RRM1: variants seen among roughly 807,000 people sequenced by gnomAD.
The protein encoded by RRM1 is ribonucleoside-diphosphate reductase large subunit.
Under a neutral mutation model 101.5 loss-of-function variants are expected in RRM1, and 19 were observed. The observed-to-expected ratio is 0.19, with a 90% confidence interval of 0.13 to 0.27. The LOEUF (loss-of-function observed/expected upper bound fraction) is 0.27, where lower values mean the gene tolerates loss of function less well. RRM1 is among the 10% of genes least tolerant of loss of function. The pLI is 1.00. For missense variants in RRM1, 500 were observed against 962.9 expected, an observed-to-expected ratio of 0.52 and a Z score of 6.36; for synonymous variants, 298 against 323.4, an observed-to-expected ratio of 0.92 and a Z score of 0.84.
chr11:4,127,295 C>A, intron 14 of RRM1, 39 bp downstream of exon 14: 1 of 1,315,348 alleles, frequency 7.6e-7, no homozygotes, highest in Non-Finnish European at 1.0e-6. Context: ...CTGTGAGTAC[C>A]TGTAGTGGGC....
At chr11:4,133,510 C>G in intron 16 of RRM1, 53 bp from the exon 17 acceptor site, 1 of 1,114,452 alleles carries the variant, frequency 9.0e-7, no homozygotes, top group Non-Finnish European at 1.3e-6. Context: ...GTAGTCTTTT[C>G]TAAGCAGTCA....
chr11:4,126,632 A>G, intron 12 of RRM1, 52 bp from the exon 13 acceptor site: 1 of 1,552,446 alleles, frequency 6.4e-7, no homozygotes, highest in Non-Finnish European at 8.7e-7. Context: ...TAATTGACAC[A>G]GGAAGTAGAA....
At position 4,138,599 on chromosome 11, in the gene RRM1, A is replaced by G. The variant is rs1343962365; in HGVS notation, c.*216A>G. 6.1e-6 allele frequency: 2 copies of G among 325,520 alleles called. No individual in the cohort carries two copies. The highest frequency in any genetic ancestry group is 5.3e-6 in the Non-Finnish European group (1 of 188,658). The allele number at this position is 325,520 out of a possible 1,614,324, so 20.2% of individuals were successfully genotyped here. A position where few individuals can be genotyped will look rare whatever the true frequency, so the allele number is the denominator to read the frequency against. ...CCAAAATAATGCTTTTGAAAAAAAG[A>G]AAAAAAAAACGGATATATTGAGAAT... On this transcript the variant is annotated 3_prime_UTR_variant, in exon 19 of 19. Transcript: ENST00000300738.
At chr11:4,119,618 A>G (rs1237917035) in intron 8 of RRM1, 1 of 463,904 alleles carries the variant, frequency 2.2e-6, no homozygotes, top group Admixed American at 4.1e-5. Flanking sequence ...ATCTCATTAT[A>G]AATTAGAAAT....
intron 1 of RRM1, among the ~76,000 whole-genome samples, chr11:4,096,851 A>G (rs1488271143): frequency 6.6e-6 from 1 of 152,054 alleles, no homozygotes; most frequent in Non-Finnish European, 1.5e-5. Context: ...GATGTTTAGG[A>G]TGGTCTATGA....
chr11:4,107,693 T>A, intron 4 of RRM1, 158 bp downstream of exon 4: 1 of 591,320 alleles, frequency 1.7e-6, no homozygotes. Context: ...CTTTATCATT[T>A]TAAAATGTAT....
In RRM1 at chr11:4,111,587, T is replaced by G; in HGVS notation, c.448-14T>G. On this transcript the variant is annotated splice_polypyrimidine_tract_variant and intron_variant, in intron 5 of 18. Transcript: ENST00000300738. ...CGGTGCTCTGAAAATTTTTTGTTGT[T>G]TCTCTCTTTCTAGACGCTAGAGCGG... 1.3e-6 allele frequency: 2 copies of G among 1,587,996 alleles called. No homozygotes were observed. Among genetic ancestry groups the G allele is most frequent in the South Asian group, 2.3e-5 (2 of 85,542 alleles).
At chr11:4,120,917 G>A (rs976788752) in intron 9 of RRM1, among the ~76,000 whole-genome samples, 4 of 152,220 alleles carry the variant, frequency 2.6e-5, no homozygotes, top group Non-Finnish European at 4.4e-5. Flanking sequence ...TTCTCTGGAG[G>A]CTGAGGTGGG....
Position 4,121,687 on chromosome 11 carries a change from G to A in RRM1, c.960G>A (p.Lys320=). The A allele has an allele frequency of 1.6e-5, 26 of 1,613,856 alleles. No homozygotes were observed. Among genetic ancestry groups the A allele is most frequent in the Non-Finnish European group, 2.2e-5 (26 of 1,179,888 alleles). The change falls in exon 10 of 19, where the codon AAG becomes AAA. Residue 320 remains lysine (K), a synonymous_variant. Transcript: ENST00000300738. ...TTGATTTAAAGAAGAACACAGGAAA[G>A]GAAGAGCAGCGTGCCAGAGATCTTT... ...EFLDLKKNTG[K]EEQRARDLFF...
Position 4,138,181 on chromosome 11 carries a change from T to C in RRM1, c.2191-14T>C, listed in dbSNP as rs758731064. On this transcript the variant is annotated splice_polypyrimidine_tract_variant and intron_variant, in intron 18 of 18. Coordinates refer to ENST00000300738, the MANE Select transcript of RRM1 (RefSeq NM_001033.5). ...CAGAGTTTCTCCTAATAATTGTCTT[T>C]ACTTTCCTTGTAGGGTTTGAAGACT... is the stretch of plus-strand genomic sequence containing the variant. 11 of 1,455,432 alleles carry C rather than the reference T, an allele frequency of 7.6e-6. No homozygotes were observed. The Admixed American group carries it at 2.0e-4, about 26-fold the overall frequency. The allele number at this position is 1,455,432 out of a possible 1,614,324, so 90.2% of individuals were successfully genotyped here.
At chr11:4,116,736 C>G (rs894408699) in intron 7 of RRM1, among the ~76,000 whole-genome samples, 1 of 151,806 alleles carries the variant, frequency 6.6e-6, no homozygotes, top group Non-Finnish European at 1.5e-5. Flanking sequence ...TCTGGGAGGC[C>G]AAAGCAAAGG....
intron 1 of RRM1, chr11:4,099,209 C>A (rs2094547475): frequency 6.6e-6 from 1 of 151,220 alleles, no homozygotes; most frequent in African/African-American, 2.4e-5. Context: ...GTGGTGTGAT[C>A]TTGGCTTACT....
intron 7 of RRM1, among the ~76,000 whole-genome samples, chr11:4,113,047 A>G (rs1283733305): frequency 1.3e-5 from 2 of 152,190 alleles, no homozygotes; most frequent in African/African-American, 4.8e-5. Context: ...ATTTATGGAT[A>G]CAGTAAGTAA....
chr11:4,122,097 C>A, intron 10 of RRM1, 44 bp from the exon 11 acceptor site: 1 of 1,425,690 alleles, frequency 7.0e-7, no homozygotes, highest in South Asian at 1.2e-5. Context: ...TTATGGTTGG[C>A]TATTTGAAGT....
chr11:4,129,008 GTTTT>G, intron 14 of RRM1, 62 bp from the exon 15 acceptor site: 8 of 669,062 alleles, frequency 1.2e-5, no homozygotes, highest in East Asian at 3.1e-5. Context: ...TCATTTGTGG[GTTTT>G]TTTTTTTTTT....
At chr11:4,098,240 T>C (rs1405974766) in intron 1 of RRM1, among the ~76,000 whole-genome samples, 1 of 152,196 alleles carries the variant, frequency 6.6e-6, no homozygotes, top group South Asian at 2.1e-4. Flanking sequence ...CACTCTAATC[T>C]TTCTTTTATT....
intron 9 of RRM1, among the ~76,000 whole-genome samples, chr11:4,120,485 C>T (rs1252478408): frequency 6.6e-6 from 1 of 151,994 alleles, no homozygotes; most frequent in African/African-American, 2.4e-5. Context: ...TGCCTCAGCC[C>T]TCCCATGTAG....
chr11:4,107,325 G>A, intron 3 of RRM1, 110 bp from the exon 4 acceptor site: 2 of 711,116 alleles, frequency 2.8e-6, no homozygotes, highest in Non-Finnish European at 2.5e-6. Flanking sequence ...CATTGAGGTG[G>A]GTTGAGATGA....
At chr11:4,105,498 T>G in intron 2 of RRM1, 1 of 364,472 alleles carries the variant, frequency 2.7e-6, no homozygotes, top group Admixed American at 3.7e-5. Context: ...CCCAAAGTGT[T>G]GGGATTACAG....
Sources: allele counts gnomAD v4.1 joint callset (sites outside exome capture counted in the v4.1 genomes callset), GRCh38; gene constraint gnomAD v4.1.1; transcripts MANE v1.5; gene names NCBI Gene and HGNC (gene_info 2026-07-23, HGNC 2026-07-21).